PHEX: variants seen among roughly 807,000 people sequenced by gnomAD.
PHEX encodes the protein phosphate-regulating neutral endopeptidase PHEX.
In PHEX, 16 loss-of-function variants were observed where a neutral mutation model predicts 68.0. That is an observed-to-expected ratio of 0.24 (90% CI 0.16 to 0.36). The LOEUF is 0.36. PHEX is among the 10% of genes least tolerant of loss of function. The probability of loss-of-function intolerance (pLI) is 1.00; values close to 1 mark genes in which losing one functional copy is unlikely to be tolerated. For missense variants in PHEX, 480 were observed against 575.5 expected, an observed-to-expected ratio of 0.83 and a Z score of 1.70; for synonymous variants, 208 against 205.1, an observed-to-expected ratio of 1.01 and a Z score of -0.12.
At position 22,201,752 on chromosome X, in the gene PHEX, G is replaced by A. The variant is rs138442106; in HGVS notation, c.1646-11152G>A. Among the ~76,000 whole-genome samples, 141 of 111,608 alleles carry A rather than the reference G, an allele frequency of 1.3e-3. 4 individuals carry two copies. In the East Asian group the frequency reaches 0.029, roughly 23 times the overall value. On this transcript the variant is annotated intron_variant, in intron 15 of 21. Coordinates refer to ENST00000379374, the MANE Select transcript of PHEX (RefSeq NM_000444.6). ...TTTCTAAATGCTGTTTTCAGACATA[G>A]TGCACTGGTCAGGTTGGCTGCAGGG...
chrX:22,097,799 G>GA, intron 8 of PHEX: 2 of 517,686 alleles, frequency 3.9e-6, no homozygotes, highest in Non-Finnish European at 4.7e-6. Context: ...ACACAGTCTT[G>GA]CTGTGTCATC....
intron 15 of PHEX, among the ~76,000 whole-genome samples, chrX:22,195,564 C>A (rs1343995325): frequency 9.4e-6 from 1 of 106,170 alleles, no homozygotes; most frequent in East Asian, 3.0e-4. Context: ...CAGTGCACTA[C>A]AGCCTGGGCG....
At chrX:22,167,491 C>CTTTTTTTTTTT (rs1164658740) in intron 12 of PHEX, among the ~76,000 whole-genome samples, 1 of 84,108 alleles carries the variant, frequency 1.2e-5, no homozygotes, top group Admixed American at 1.3e-4. Flanking sequence ...TTTTTAATTT[C>CTTTTTTTTTTT]TTTTTTTTTT....
intron 5 of PHEX, among the ~76,000 whole-genome samples, chrX:22,079,709 A>G (rs1192326629): frequency 9.0e-6 from 1 of 111,498 alleles, no homozygotes; most frequent in Non-Finnish European, 1.9e-5. Context: ...TTTGTTTTTT[A>G]AACCACATTT....
In PHEX at chrX:22,178,259, T is replaced by C. The variant is rs1933770823; in HGVS notation, c.1483-14T>C. 2 of 1,098,416 alleles carry C rather than the reference T, an allele frequency of 1.8e-6. No individual in the cohort carries two copies. The highest frequency in any genetic ancestry group is 2.2e-5 in the Admixed American group (1 of 45,508). 90.5% of individuals were successfully genotyped at this position (1,098,416 alleles called of 1,213,427 possible). ...TTTACTTAGAACAATGATGTTGTGG[T>C]TTGTTTTATTCAGATCAAGTTTTCA... On this transcript the variant is annotated splice_polypyrimidine_tract_variant and intron_variant, in intron 13 of 21. Coordinates refer to ENST00000379374, the MANE Select transcript of PHEX (RefSeq NM_000444.6).
chrX:22,227,660 T>C (rs892950338), intron 20 of PHEX, 49 bp downstream of exon 20: 7 of 851,827 alleles, frequency 8.2e-6, no homozygotes, highest in South Asian at 6.1e-5. Context: ...AGGACTTGAG[T>C]TTGCTCCCTT....
intron 14 of PHEX, among the ~76,000 whole-genome samples, chrX:22,181,051 C>A (rs750724315): frequency 8.9e-6 from 1 of 111,892 alleles, no homozygotes; most frequent in Non-Finnish European, 1.9e-5. Flanking sequence ...GTGAACAGTT[C>A]TACAATAAAC....
chrX:22,071,319 T>C (rs1007249108), intron 3 of PHEX, among the ~76,000 whole-genome samples: 1 of 111,844 alleles, frequency 8.9e-6, no homozygotes, highest in Non-Finnish European at 1.9e-5. Context: ...TTGTATGATA[T>C]AGGGACTGAG....
rs1280508539 is a variant in PHEX at position 22,098,909 on chromosome X, C to A, written c.934-97C>A. ...CATCTTGAATTATTAGGTGTGAAAT[C>A]AAAAGAAATGAATGATGCTCAATCT... On this transcript the variant is annotated intron_variant, in intron 8 of 21. Coordinates refer to ENST00000379374, the MANE Select transcript of PHEX (RefSeq NM_000444.6). 1.8e-5 allele frequency: 12 copies of A among 658,806 alleles called. No homozygotes were observed. The East Asian group carries it at 6.3e-4, about 35-fold the overall frequency. 54.3% of individuals were successfully genotyped at this position (658,806 alleles called of 1,213,427 possible). A position where few individuals can be genotyped will look rare whatever the true frequency, so the allele number is the denominator to read the frequency against.
chrX:22,137,047 C>A (rs1932263416), intron 12 of PHEX, among the ~76,000 whole-genome samples: 1 of 111,736 alleles, frequency 8.9e-6, no homozygotes, highest in African/African-American at 3.3e-5. Flanking sequence ...GTGACCACAG[C>A]TGTTGAATGA....
intron 20 of PHEX, among the ~76,000 whole-genome samples, chrX:22,235,697 A>C: frequency 9.0e-6 from 1 of 111,696 alleles, no homozygotes. Flanking sequence ...GGGGGATAGA[A>C]ACATTTAGTC....
intron 3 of PHEX, among the ~76,000 whole-genome samples, chrX:22,067,242 G>GA (rs760129111): frequency 0.011 from 1,095 of 95,435 alleles, 10 homozygotes; most frequent in African/African-American, 0.035. Context: ...GCCCTGTCTC[G>GA]AAAAAAAAAA....
intron 15 of PHEX, among the ~76,000 whole-genome samples, chrX:22,194,877 T>C (rs1346959480): frequency 8.9e-6 from 1 of 112,482 alleles, no homozygotes; most frequent in Non-Finnish European, 1.9e-5. Context: ...TATGAGGAGT[T>C]AAACTCAGTA....
chrX:22,129,654 C>T (rs1206611381), intron 11 of PHEX, among the ~76,000 whole-genome samples: 1 of 111,554 alleles, frequency 9.0e-6, no homozygotes, highest in Admixed American at 9.6e-5. Context: ...ACCTCCTTTG[C>T]CCTCTGAGAC....
At chrX:22,246,527 C>G (rs1008282021) in intron 21 of PHEX, among the ~76,000 whole-genome samples, 1 of 111,969 alleles carries the variant, frequency 8.9e-6, no homozygotes, top group African/African-American at 3.2e-5. Context: ...TGAAGGCTGA[C>G]GGTCTCGAAC....
chrX:22,057,698 C>T (rs932596487), intron 3 of PHEX, among the ~76,000 whole-genome samples: 1 of 111,741 alleles, frequency 8.9e-6, no homozygotes, highest in African/African-American at 3.3e-5. Flanking sequence ...TACATGCTTG[C>T]TGTTCTTCTC....
At chrX:22,178,505 T>C in intron 14 of PHEX, 129 bp downstream of exon 14, 1 of 392,977 alleles carries the variant, frequency 2.5e-6, no homozygotes, top group South Asian at 3.2e-5. Flanking sequence ...TTTAGCAAAA[T>C]CTGTGTCATG....
chrX:22,207,258 A>AG (rs768304966), intron 15 of PHEX, among the ~76,000 whole-genome samples: 2 of 112,488 alleles, frequency 1.8e-5, no homozygotes, highest in East Asian at 5.5e-4. Context: ...AAAGACCAAT[A>AG]TTTTCTTTTG....
chrX:22,215,683 A>C (rs137943069), intron 16 of PHEX, among the ~76,000 whole-genome samples: 2,793 of 111,144 alleles, frequency 0.025, 38 homozygotes, highest in Middle Eastern at 0.074. Context: ...TGTGTTTAAC[A>C]CAACTACCTT....
Sources: gnomAD v4.1 joint callset for allele counts (sites outside exome capture counted in the v4.1 genomes callset) on GRCh38, gnomAD v4.1.1 for gene constraint, MANE v1.5 for transcripts, NCBI Gene and HGNC (gene_info 2026-07-23, HGNC 2026-07-21) for gene names.